Variants in CAND2 observed in about 807,000 individuals in gnomAD.
The protein encoded by CAND2 is cullin-associated NEDD8-dissociated protein 2.
Under a neutral mutation model 98.9 loss-of-function variants are expected in CAND2, and 62 were observed. That is an observed-to-expected ratio of 0.63 (90% CI 0.51 to 0.77). The LOEUF is 0.77. Ranked by LOEUF, CAND2 falls within the 30% of genes least tolerant of loss-of-function variation. The pLI is 0.00. For missense variants in CAND2, 1,501 were observed against 1,655.2 expected, an observed-to-expected ratio of 0.91 and a Z score of 1.62; for synonymous variants, 770 against 731.9, an observed-to-expected ratio of 1.05 and a Z score of -0.84.
Position 12,815,265 on chromosome 3 carries a change from G to A in CAND2, c.1131G>A (p.Leu377=), listed in dbSNP as rs1272587973. 8 of 1,613,810 alleles carry A rather than the reference G, an allele frequency of 5.0e-6. No individual in the cohort carries two copies. The South Asian group carries it at 8.8e-5, about 18-fold the overall frequency. Residue 377 remains leucine, a synonymous_variant, in exon 8 of 15, where the codon CTG becomes CTA. Transcript: ENST00000456430. The surrounding 1 kb of genome is among the most constrained non-coding windows in gnomAD (Gnocchi z 5.7). ...PDLLPDFHCT[L]APVLIRRFKE... ...TGCTGCCCGATTTCCACTGCACCCT[G>A]GCACCTGTGCTCATCCGCCGCTTCA... is the stretch of plus-strand genomic sequence containing the variant.
intron 4 of CAND2, 74 bp from the exon 5 acceptor site, chr3:12,809,985 T>G: frequency 7.2e-7 from 1 of 1,383,378 alleles, no homozygotes; most frequent in Non-Finnish European, 9.3e-7. Context: ...CGGGAGAGAA[T>G]GGGGAGAGGG....
At chr3:12,805,866 C>T (rs1451717627) in intron 2 of CAND2, among the ~76,000 whole-genome samples, 1 of 152,168 alleles carries the variant, frequency 6.6e-6, no homozygotes, top group Non-Finnish European at 1.5e-5. Context: ...TTCTGCCGTT[C>T]CTGCTTCTCA....
At chr3:12,833,012 T>A (rs1010190064) in intron 14 of CAND2, among the ~76,000 whole-genome samples, 1 of 152,148 alleles carries the variant, frequency 6.6e-6, no homozygotes, top group African/African-American at 2.4e-5. Flanking sequence ...CTCTTACTTA[T>A]AGATGGGGAA....
intron 9 of CAND2, 109 bp from the exon 10 acceptor site, chr3:12,816,265 A>G: frequency 2.7e-6 from 3 of 1,117,022 alleles, no homozygotes; most frequent in Non-Finnish European, 3.9e-6. Flanking sequence ...AGAAGAGTTT[A>G]GGTGCTTCAG....
At chr3:12,829,703 G>A (rs1460431122) in intron 13 of CAND2, among the ~76,000 whole-genome samples, 2 of 152,168 alleles carry the variant, frequency 1.3e-5, no homozygotes, top group Admixed American at 6.5e-5. Flanking sequence ...GTGCCAACAC[G>A]CCAAGGTCAA....
chr3:12,816,580 C>T lies in CAND2; in HGVS notation c.1648C>T (p.Arg550Trp), dbSNP rs753838369. ...EALVVLQELV[R>W]ALWPLHRPRM... ...CCTGGTGGTGCTGCAGGAGCTGGTG[C>T]GGGCCCTGTGGCCGCTGCACAGGCC... Residue 550 changes from arginine (R) to tryptophan (W), a missense_variant, in exon 10 of 15, where the codon CGG becomes TGG. Arg to Trp is a moderately radical substitution (Grantham distance 101, BLOSUM62 -3). Around this residue, in one of 3 missense-constraint regions of CAND2, gnomAD observed 1,427 missense variants for 1,545.3 expected, o/e 0.92. Transcript: ENST00000456430. 1.3e-5 allele frequency: 21 copies of T among 1,613,766 alleles called. No individual in the cohort carries two copies. In the East Asian group the frequency reaches 2.9e-4, roughly 22 times the overall value.
rs2061841284 is a variant in CAND2, at chr3:12,810,303, C to T, written c.736C>T (p.Arg246Cys). 1 of 1,460,830 alleles carries T rather than the reference C, an allele frequency of 6.8e-7. No homozygotes were observed. The highest frequency in any genetic ancestry group is 9.0e-7 in the Non-Finnish European group (1 of 1,106,792). The allele number at this position is 1,460,830 out of a possible 1,614,324, so 90.5% of individuals were successfully genotyped here. The change falls in exon 5 of 15, where the codon CGC becomes TGC. Residue 246 changes from arginine to cysteine, a missense_variant. Physicochemically the swap from Arg to Cys is radical, Grantham distance 180. This residue lies in a region of CAND2 where 1,427 missense variants were observed against 1,545.3 expected (regional missense o/e 0.92). Transcript: ENST00000456430. The stretch of plus-strand genomic sequence containing the variant: ...GATCCAATGTTTGGGCAGCGTCGGC[C>T]GCCAGGCCGGCCACCGCCTCGGTAA... ...TLIQCLGSVGRQAGHRLGAHL... is the reference protein window; with the variant it reads ...TLIQCLGSVGCQAGHRLGAHL...
At chr3:12,803,737 G>C in intron 2 of CAND2, 106 bp downstream of exon 2, 3 of 980,352 alleles carry the variant, frequency 3.1e-6, no homozygotes, top group South Asian at 2.1e-5. Context: ...GAGACCTGCT[G>C]AGCAGCTCTC....
Position 12,815,531 on chromosome 3 carries a change from C to A in CAND2, c.1299+98C>A. On this transcript the variant is annotated intron_variant, in intron 8 of 14. Coordinates refer to ENST00000456430, the MANE Select transcript of CAND2 (RefSeq NM_001162499.2). This position sits in a 1 kb window ranked among gnomAD's most constrained non-coding sequence, Gnocchi z 5.7. ...TTGGAAACTCAGCTGGGAGAACATC[C>A]AGCCATGGAAGGGAAGGGAAGGGGT... The A allele has an allele frequency of 7.7e-7, 1 of 1,298,334 alleles. No homozygotes were observed. Among genetic ancestry groups the A allele is most frequent in the Non-Finnish European group, 1.1e-6 (1 of 942,554 alleles). 80.4% of individuals were successfully genotyped at this position (1,298,334 alleles called of 1,614,324 possible).
At chr3:12,799,002 G>A (rs79322727) in intron 1 of CAND2, among the ~76,000 whole-genome samples, 2,857 of 152,240 alleles carry the variant, frequency 0.019, 86 homozygotes, top group African/African-American at 0.062. Context: ...GGCTTTATGG[G>A]CAGGAGGTGC....
intron 7 of CAND2, among the ~76,000 whole-genome samples, chr3:12,814,719 C>T (rs1328910445): frequency 6.6e-6 from 1 of 152,156 alleles, no homozygotes; most frequent in African/African-American, 2.4e-5. Flanking sequence ...AATTGATTCT[C>T]CAAGTCTACA....
At chr3:12,800,930 C>G (rs9819910) in intron 1 of CAND2, among the ~76,000 whole-genome samples, 3,008 of 152,084 alleles carry the variant, frequency 0.02, 94 homozygotes, top group African/African-American at 0.068. Context: ...CCCCTGTTGG[C>G]CAGGCTGGTC....
chr3:12,813,056 G>C lies in CAND2; in HGVS notation c.824G>C (p.Arg275Pro), dbSNP rs774867894. Residue 275 changes from arginine (R) to proline (P), a missense_variant, in exon 6 of 15, where the codon CGG becomes CCG. By Grantham distance (103) the Arg-to-Pro change is moderately radical (BLOSUM62 -2). This residue lies in a region of CAND2 where 1,427 missense variants were observed against 1,545.3 expected (regional missense o/e 0.92). Coordinates refer to ENST00000456430, the MANE Select transcript of CAND2 (RefSeq NM_001162499.2). ...TGCAACCTGGATGATGATGAGCTCC[G>C]GGAGTCCTGCCTCCAGGCTTTTGAG... The part of the protein sequence containing the change: ...DFCNLDDDEL[R>P]ESCLQAFEAF... 1.3e-6 allele frequency: 2 copies of C among 1,583,508 alleles called. No individual in the cohort carries two copies. The highest frequency in any genetic ancestry group is 1.7e-6 in the Non-Finnish European group (2 of 1,165,390).
intron 1 of CAND2, among the ~76,000 whole-genome samples, chr3:12,801,617 G>C (rs1250073425): frequency 6.6e-6 from 1 of 152,182 alleles, no homozygotes; most frequent in Non-Finnish European, 1.5e-5. Context: ...CAGGCCCCAT[G>C]AATCCCTCAC....
At chr3:12,803,848 G>A (rs902910307) in intron 2 of CAND2, among the ~76,000 whole-genome samples, 1 of 152,144 alleles carries the variant, frequency 6.6e-6, no homozygotes, top group Non-Finnish European at 1.5e-5. Context: ...TGGTAGAGGA[G>A]TAGGGAAGTG....
intron 1 of CAND2, among the ~76,000 whole-genome samples, chr3:12,799,403 C>T (rs2124830511): frequency 6.6e-6 from 1 of 152,276 alleles, no homozygotes; most frequent in Admixed American, 6.5e-5. Context: ...GGTGCTCAAG[C>T]TCTTATCCAC....
At chr3:12,812,107 C>T (rs2061855888) in intron 5 of CAND2, among the ~76,000 whole-genome samples, 1 of 150,668 alleles carries the variant, frequency 6.6e-6, no homozygotes, top group African/African-American at 2.4e-5. Flanking sequence ...TGGAGTTTCA[C>T]CATGTTGGCC....
In CAND2 at chr3:12,827,438, AG is replaced by A. The variant is rs1559559101; in HGVS notation, c.3211del. 1 of 1,612,220 alleles carries A rather than the reference AG, an allele frequency of 6.2e-7. No individual in the cohort carries two copies. Among genetic ancestry groups the A allele is most frequent in the Admixed American group, 1.7e-5 (1 of 59,836 alleles). On this transcript the variant is annotated splice_acceptor_variant, in intron 12 of 14. Transcript: ENST00000456430. LOFTEE classifies it high-confidence loss of function. ...TATCACCAACCTTCATCCCTCCTGC[AG>A]GTGGAGATGGGGCCCTTTAAACATA...
intron 11 of CAND2, among the ~76,000 whole-genome samples, chr3:12,821,600 T>C (rs2061957738): frequency 6.6e-6 from 1 of 152,176 alleles, no homozygotes; most frequent in Non-Finnish European, 1.5e-5. Flanking sequence ...TTTCCTCCAT[T>C]GTAACGGAGC....
Sources: gnomAD v4.1 joint callset for allele counts (sites outside exome capture counted in the v4.1 genomes callset) on GRCh38, gnomAD v4.1.1 for gene constraint, gnomAD v4.1.1 regional missense constraint, Gnocchi (gnomAD v3.1) non-coding constraint, MANE v1.5 for transcripts, NCBI Gene and HGNC (gene_info 2026-07-23, HGNC 2026-07-21) for gene names.